Variants in RAB27A observed in about 807,000 individuals in gnomAD.
The protein encoded by RAB27A is ras-related protein Rab-27A.
Under a neutral mutation model 20.8 loss-of-function variants are expected in RAB27A, and 17 were observed. That is an observed-to-expected ratio of 0.82 (90% confidence interval 0.56 to 1.23). RAB27A has a LOEUF of 1.23. Among genes scored for constraint, RAB27A ranks in the 50% most tolerant of loss-of-function variants. RAB27A has a pLI of 0.00. For synonymous variants in RAB27A, 85 were observed against 92.8 expected (o/e 0.92, Z 0.48); for missense variants, 277 against 266.7 (o/e 1.04, Z -0.27).
chr15:55,294,564 G>A (rs1424694499), upstream of RAB27A, among the ~76,000 whole-genome samples: 2 of 135,488 alleles, frequency 1.5e-5, no homozygotes, highest in African/African-American at 2.8e-5. Flanking sequence ...CACCAGCCTG[G>A]GCAACAGAAC....
intron 2 of RAB27A, among the ~76,000 whole-genome samples, chr15:55,248,163 A>G: frequency 6.6e-6 from 1 of 152,106 alleles, no homozygotes; most frequent in African/African-American, 2.4e-5. Context: ...CTTCAGGTAC[A>G]TGGTGGCATG....
chr15:55,232,688 T>A (rs188596832), intron 3 of RAB27A, among the ~76,000 whole-genome samples: 4 of 152,220 alleles, frequency 2.6e-5, no homozygotes, highest in African/African-American at 9.7e-5. Context: ...CTCTCAAGAC[T>A]AAGCTGAAAG....
At chr15:55,296,536 G>A (rs1450697996) in intron 2 of RAB27A, among the ~76,000 whole-genome samples, 1 of 152,032 alleles carries the variant, frequency 6.6e-6, no homozygotes, top group East Asian at 1.9e-4. Context: ...ACAAAACTTG[G>A]TCTGGGAAGG....
At chr15:55,300,010 C>A (rs1403359978) in intron 2 of RAB27A, among the ~76,000 whole-genome samples, 1 of 151,828 alleles carries the variant, frequency 6.6e-6, no homozygotes, top group Non-Finnish European at 1.5e-5. Flanking sequence ...CTAGTAGAGA[C>A]GGGGTTTTAC....
chr15:55,245,535 G>A (rs950191897), intron 2 of RAB27A, among the ~76,000 whole-genome samples: 6 of 152,154 alleles, frequency 3.9e-5, no homozygotes, highest in African/African-American at 1.4e-4. Flanking sequence ...AGATTCATAA[G>A]TGCATTCCTA....
At position 55,203,400 on chromosome 15, in the gene RAB27A, T is replaced by G. The variant is rs189434309; in HGVS notation, c.*2107A>C. ...ACTATATAAGGCACTGCTGTGTGAT[T>G]ATGACCCTGCTCTTTTTTTTTTTTT... On this transcript the variant is annotated 3_prime_UTR_variant, in exon 7 of 7. Transcript: ENST00000336787. 2.0e-5 allele frequency: 3 copies of G among 151,566 alleles called. No individual in the cohort carries two copies. Among genetic ancestry groups the G allele is most frequent in the African/African-American group, 7.3e-5 (3 of 41,092 alleles). The allele number at this position is 151,566 out of a possible 1,614,324, so 9.4% of individuals were successfully genotyped here.
chr15:55,205,157 C>A lies in RAB27A; in HGVS notation c.*350G>T. 3.0e-6 allele frequency: 1 copy of A among 330,728 alleles called. No individual in the cohort carries two copies. The highest frequency in any genetic ancestry group is 7.8e-5 in the East Asian group (1 of 12,770). 20.5% of individuals were successfully genotyped at this position (330,728 alleles called of 1,614,324 possible). A position where few individuals can be genotyped will look rare whatever the true frequency, so the allele number is the denominator to read the frequency against. On this transcript the variant is annotated 3_prime_UTR_variant, in exon 7 of 7. Coordinates refer to ENST00000336787, the MANE Select transcript of RAB27A (RefSeq NM_183235.3). ...CTTAAATGTAAGACTCTGGGCCTAC[C>A]TACATTAAGGCAGGTGACAGTACCC...
intron 2 of RAB27A, among the ~76,000 whole-genome samples, chr15:55,259,393 C>A (rs1278292331): frequency 6.6e-6 from 1 of 151,758 alleles, no homozygotes; most frequent in African/African-American, 2.4e-5. Context: ...TCAAGTGATC[C>A]TCCCACCTCA....
At chr15:55,259,047 G>T (rs547998257) in intron 2 of RAB27A, among the ~76,000 whole-genome samples, 8 of 152,174 alleles carry the variant, frequency 5.3e-5, no homozygotes, top group African/African-American at 1.9e-4. Context: ...AACTCCTAGC[G>T]GCAAGTGATC....
upstream of RAB27A, among the ~76,000 whole-genome samples, chr15:55,293,000 T>G (rs1335354915): frequency 6.6e-6 from 1 of 152,154 alleles, no homozygotes; most frequent in Non-Finnish European, 1.5e-5. Context: ...CTAAGTACAC[T>G]GAACACATCT....
At chr15:55,282,640 A>C (rs941532019) in intron 1 of RAB27A, among the ~76,000 whole-genome samples, 1 of 152,148 alleles carries the variant, frequency 6.6e-6, no homozygotes, top group African/African-American at 2.4e-5. Context: ...CTTATCGTGC[A>C]AAGACTGAGA....
chr15:55,306,499 G>C (rs148629457), intron 2 of RAB27A, among the ~76,000 whole-genome samples: 1 of 152,042 alleles, frequency 6.6e-6, no homozygotes, highest in African/African-American at 2.4e-5. Flanking sequence ...CTTCCTTTAC[G>C]TGTTTTTCTC....
At chr15:55,272,271 C>A (rs548387185) in intron 1 of RAB27A, among the ~76,000 whole-genome samples, 1 of 152,104 alleles carries the variant, frequency 6.6e-6, no homozygotes, top group Non-Finnish European at 1.5e-5. Context: ...TGGTGGCGGG[C>A]GCCTGTAGTC....
chr15:55,309,757 C>A (rs1342248436), intron 2 of RAB27A, among the ~76,000 whole-genome samples: 2 of 151,868 alleles, frequency 1.3e-5, no homozygotes, highest in African/African-American at 4.8e-5. Flanking sequence ...GGACAATGGC[C>A]TCATTGATAA....
At chr15:55,286,912 C>CTTGTTTTTT (rs1898169751) in intron 1 of RAB27A, among the ~76,000 whole-genome samples, 1 of 57,138 alleles carries the variant, frequency 1.8e-5, no homozygotes, top group Admixed American at 2.8e-4. Flanking sequence ...TAGATGTATT[C>CTTGTTTTTT]TTTTTTTTTT....
chr15:55,249,163 G>A (rs1896797124), intron 2 of RAB27A: 1 of 152,194 alleles, frequency 6.6e-6, no homozygotes, highest in South Asian at 2.1e-4. Context: ...AACTCAGCCT[G>A]TCAGATTACA....
intron 2 of RAB27A, among the ~76,000 whole-genome samples, chr15:55,263,968 A>G (rs1897366559): frequency 6.6e-6 from 1 of 152,240 alleles, no homozygotes; most frequent in South Asian, 2.1e-4. Context: ...AAACATCGTA[A>G]GAGAATACAA....
intron 1 of RAB27A, among the ~76,000 whole-genome samples, chr15:55,287,764 T>G (rs1219573553): frequency 2.0e-5 from 3 of 151,602 alleles, no homozygotes; most frequent in Non-Finnish European, 4.4e-5. Context: ...AAAAAAAAAT[T>G]CATATGGAAA....
chr15:55,300,633 T>G (rs1479347075), intron 2 of RAB27A, among the ~76,000 whole-genome samples: 5 of 151,588 alleles, frequency 3.3e-5, no homozygotes. Context: ...AAGCCGAGAG[T>G]GTGCCATTGC....
Sources: gnomAD v4.1 joint callset for allele counts (sites outside exome capture counted in the v4.1 genomes callset) on GRCh38, gnomAD v4.1.1 for gene constraint, MANE v1.5 for transcripts, NCBI Gene and HGNC (gene_info 2026-07-23, HGNC 2026-07-21) for gene names.